WWOX: variants seen among roughly 807,000 people sequenced by gnomAD.
WWOX encodes WW domain-containing oxidoreductase.
WWOX carries 69 observed loss-of-function variants against 46.2 expected under a neutral mutation model. The ratio of observed to expected loss-of-function variants is 1.49; its 90% confidence interval spans 1.23 to 1.82. WWOX has a LOEUF of 1.82. WWOX is among the 40% of genes most tolerant of loss of function. The probability of loss-of-function intolerance (pLI) is 0.00; values close to 1 mark genes in which losing one functional copy is unlikely to be tolerated. For synonymous variants in WWOX, 359 were observed against 202.6 expected (o/e 1.77, Z -6.56); for missense variants, 919 against 542.6 (o/e 1.69, Z -6.89).
chr16:78,364,055 A>T (rs552059239), intron 5 of WWOX, among the ~76,000 whole-genome samples: 1 of 152,218 alleles, frequency 6.6e-6, no homozygotes, highest in South Asian at 2.1e-4. Context: ...CCCCCCACTC[A>T]GTCTTGTTTT....
At chr16:79,079,889 T>C (rs1344615229) in intron 8 of WWOX, among the ~76,000 whole-genome samples, 6 of 152,100 alleles carry the variant, frequency 3.9e-5, no homozygotes, top group Admixed American at 3.9e-4. Context: ...ATATAGAAAA[T>C]TTGGCAGGCT....
chr16:78,669,980 C>A (rs1015636847), intron 8 of WWOX, among the ~76,000 whole-genome samples: 34 of 152,138 alleles, frequency 2.2e-4, no homozygotes, highest in African/African-American at 8.2e-4. Context: ...CTTCATCCTC[C>A]CCCACCAGTA....
chr16:78,860,322 T>A (rs911173030), intron 8 of WWOX, among the ~76,000 whole-genome samples: 1 of 152,184 alleles, frequency 6.6e-6, no homozygotes, highest in African/African-American at 2.4e-5. Flanking sequence ...GTGAAGGTAA[T>A]TGAAGAATTC....
At chr16:79,078,110 G>T (rs1191168647) in intron 8 of WWOX, 1 of 152,154 alleles carries the variant, frequency 6.6e-6, no homozygotes, top group East Asian at 1.9e-4. Context: ...TCCATTTCCT[G>T]GCACTGGTGA....
chr16:79,168,002 T>C lies in WWOX; in HGVS notation c.1057-43606T>C, dbSNP rs369260159. 3.5e-4 allele frequency among the ~76,000 whole-genome samples: 54 copies of C among 152,328 alleles called. No homozygotes were observed. The South Asian group carries it at 6.4e-3, about 18-fold the overall frequency. The stretch of plus-strand genomic sequence containing the variant: ...GAATATGTGACCTTTTGTGTCTAGC[T>C]CCGTTCACTTAGCATGCTGTTTCCA... On this transcript the variant is annotated intron_variant, in intron 8 of 8. Coordinates refer to ENST00000566780, the MANE Select transcript of WWOX (RefSeq NM_016373.4).
intron 5 of WWOX, among the ~76,000 whole-genome samples, chr16:78,229,523 T>TATATAA (rs1312331965): frequency 6.7e-6 from 1 of 148,444 alleles, no homozygotes; most frequent in African/African-American, 2.5e-5. Flanking sequence ...GAGATATATA[T>TATATAA]ATATATATAA....
At chr16:79,062,740 A>G (rs938957079) in intron 8 of WWOX, among the ~76,000 whole-genome samples, 2 of 152,120 alleles carry the variant, frequency 1.3e-5, no homozygotes, top group Admixed American at 6.5e-5. Flanking sequence ...AGGTGGCTTT[A>G]TTTAACTCCT....
intron 8 of WWOX, among the ~76,000 whole-genome samples, chr16:78,484,505 T>G (rs1405243016): frequency 6.6e-6 from 1 of 152,208 alleles, no homozygotes; most frequent in African/African-American, 2.4e-5. Flanking sequence ...GTAAGACTTA[T>G]TAGCTGCATT....
chr16:78,113,850 ATAAT>A (rs1464514499), intron 3 of WWOX, among the ~76,000 whole-genome samples: 1 of 152,128 alleles, frequency 6.6e-6, no homozygotes, highest in African/African-American at 2.4e-5. Context: ...GAGGATGGTA[ATAAT>A]TAGAATAAAG....
chr16:78,999,031 A>T (rs1349973164), intron 8 of WWOX, among the ~76,000 whole-genome samples: 1 of 152,228 alleles, frequency 6.6e-6, no homozygotes, highest in Non-Finnish European at 1.5e-5. Context: ...ATGGCTGTGA[A>T]GTGGAGAGAC....
chr16:79,011,718 C>A (rs1009237631), intron 8 of WWOX, among the ~76,000 whole-genome samples: 3 of 151,958 alleles, frequency 2.0e-5, no homozygotes, highest in Non-Finnish European at 4.4e-5. Flanking sequence ...GTCTCAAACT[C>A]CTGGGCTCAA....
At chr16:78,803,909 G>C (rs139841977) in intron 8 of WWOX, among the ~76,000 whole-genome samples, 1 of 152,188 alleles carries the variant, frequency 6.6e-6, no homozygotes, top group East Asian at 1.9e-4. Flanking sequence ...AGACAAACAG[G>C]TGTGTGTGTG....
chr16:78,191,733 G>A lies in WWOX; in HGVS notation c.516+27444G>A, dbSNP rs530866413. Among the ~76,000 whole-genome samples the A allele has an allele frequency of 3.9e-5, 6 of 152,260 alleles. No homozygotes were observed. In the South Asian group the frequency reaches 1.2e-3, roughly 32 times the overall value. On this transcript the variant is annotated intron_variant, in intron 5 of 8. Coordinates refer to ENST00000566780, the MANE Select transcript of WWOX (RefSeq NM_016373.4). The stretch of plus-strand genomic sequence containing the variant: ...TGATCCTCGGAAGAGATTCTTATCT[G>A]AGAGGGGATTTGAGAATGGCATTGC...
intron 8 of WWOX, among the ~76,000 whole-genome samples, chr16:78,831,368 G>A (rs2051819129): frequency 1.3e-5 from 2 of 152,334 alleles, no homozygotes; most frequent in Non-Finnish European, 2.9e-5. Context: ...TCCTATGGAA[G>A]TTTACATTTC....
intron 8 of WWOX, among the ~76,000 whole-genome samples, chr16:79,191,276 G>C (rs181251290): frequency 1.3e-5 from 2 of 151,408 alleles, no homozygotes; most frequent in Admixed American, 1.3e-4. Context: ...GGCTGGTCTC[G>C]AACTCCTGAG....
chr16:78,460,777 G>A (rs1452412645), intron 8 of WWOX, among the ~76,000 whole-genome samples: 2 of 152,326 alleles, frequency 1.3e-5, no homozygotes, highest in Non-Finnish European at 2.9e-5. Flanking sequence ...TGATCTTTAC[G>A]CCATCCTCCT....
At chr16:79,007,119 A>T (rs979195492) in intron 8 of WWOX, among the ~76,000 whole-genome samples, 3 of 152,180 alleles carry the variant, frequency 2.0e-5, no homozygotes, top group Non-Finnish European at 4.4e-5. Flanking sequence ...ACAATAGCAA[A>T]TGACACAGAC....
intron 8 of WWOX, among the ~76,000 whole-genome samples, chr16:79,059,027 C>G (rs2048314452): frequency 6.6e-6 from 1 of 152,144 alleles, no homozygotes; most frequent in Non-Finnish European, 1.5e-5. Flanking sequence ...GTCAATAATA[C>G]TCTGATTTCT....
At chr16:79,155,345 C>T (rs1244191903) in intron 8 of WWOX, among the ~76,000 whole-genome samples, 2 of 152,036 alleles carry the variant, frequency 1.3e-5, no homozygotes, top group Admixed American at 1.3e-4. Context: ...CATTGCACTC[C>T]AGCCTGGCGA....
Sources: gnomAD v4.1 joint callset for allele counts (sites outside exome capture counted in the v4.1 genomes callset) on GRCh38, gnomAD v4.1.1 for gene constraint, MANE v1.5 for transcripts, NCBI Gene and HGNC (gene_info 2026-07-23, HGNC 2026-07-21) for gene names.